GOLGA4: variants seen among roughly 807,000 people sequenced by gnomAD.
GOLGA4 encodes the protein golgin subfamily A member 4.
In GOLGA4, 169 loss-of-function variants were observed where a neutral mutation model predicts 265.9. That is an observed-to-expected ratio of 0.64 (90% CI 0.56 to 0.72). The LOEUF is 0.72. Ranked by LOEUF, GOLGA4 falls within the 30% of genes least tolerant of loss-of-function variation. The pLI, the probability that GOLGA4 is intolerant of heterozygous loss-of-function variation, is 0.00. For synonymous variants in GOLGA4, 923 were observed against 855.8 expected, an observed-to-expected ratio of 1.08 and a Z score of -1.37; for missense variants, 2,482 against 2,483.4, an observed-to-expected ratio of 1.00 and a Z score of 0.01.
intron 9 of GOLGA4, 50 bp from the exon 10 acceptor site, chr3:37,302,132 TTGA>T: frequency 2.0e-6 from 3 of 1,490,802 alleles, no homozygotes; most frequent in Admixed American, 1.7e-5. Context: ...ATCTGTGCTG[TTGA>T]TGATGCAGTT....
chr3:37,362,221 A>C (rs1559479362), intron 23 of GOLGA4, among the ~76,000 whole-genome samples: 2 of 141,692 alleles, frequency 1.4e-5, no homozygotes, highest in African/African-American at 5.0e-5. Flanking sequence ...TTATTTATTT[A>C]TTTATTTATT....
chr3:37,317,983 T>A (rs1038927323), intron 11 of GOLGA4, among the ~76,000 whole-genome samples: 13 of 152,122 alleles, frequency 8.5e-5, no homozygotes, highest in Admixed American at 1.3e-4. Context: ...TTTTTTTTTT[T>A]AATTTAAAAA....
chr3:37,339,471 G>C (rs2097025631), intron 19 of GOLGA4, among the ~76,000 whole-genome samples: 1 of 152,118 alleles, frequency 6.6e-6, no homozygotes, highest in African/African-American at 2.4e-5. Flanking sequence ...TTGAGGAACT[G>C]CCAAACTTTT....
intron 20 of GOLGA4, among the ~76,000 whole-genome samples, chr3:37,342,094 G>A (rs1356583519): frequency 1.3e-5 from 2 of 152,142 alleles, no homozygotes; most frequent in African/African-American, 4.8e-5. Context: ...TGTAATCCCA[G>A]CACTTTGGGA....
chr3:37,325,449 T>G lies in GOLGA4; in HGVS notation c.3563T>G (p.Leu1188Trp). Residue 1188 changes from leucine (L) to tryptophan (W), a missense_variant, in exon 14 of 24, where the codon TTG (leucine) becomes TGG (tryptophan). Around this residue, in one of 3 missense-constraint regions of GOLGA4, gnomAD observed 1,536 missense variants for 1,483.7 expected, o/e 1.04. Transcript: ENST00000361924. ...LKTTDEEFQSLKSSHEKSNKS... is the reference protein window; with the variant it reads ...LKTTDEEFQSWKSSHEKSNKS... ...ACCACAGATGAAGAATTCCAGAGTT[T>G]GAAATCTTCACATGAAAAAAGTAAC... The G allele has an allele frequency of 6.2e-7, 1 of 1,611,126 alleles. No individual in the cohort carries two copies. The highest frequency in any genetic ancestry group is 1.1e-5 in the South Asian group (1 of 90,336).
chr3:37,301,121 G>A (rs1191556433), intron 9 of GOLGA4, among the ~76,000 whole-genome samples: 1 of 152,102 alleles, frequency 6.6e-6, no homozygotes, highest in Admixed American at 6.5e-5. Context: ...CTGTGGAGAG[G>A]GTGCTAATCT....
At position 37,330,870 on chromosome 3, in the gene GOLGA4, A is replaced by G. The variant is rs898649258; in HGVS notation, c.6192+1777A>G. ...TGGTGAAACTCCATCTCTACTAAAA[A>G]TAAAAAAAATTAGCCAGGTGTGGTG... On this transcript the variant is annotated intron_variant, in intron 16 of 23. Transcript: ENST00000361924. Among the ~76,000 whole-genome samples the G allele has an allele frequency of 4.6e-5, 7 of 152,240 alleles. No homozygotes were observed. In the East Asian group the frequency reaches 1.4e-3, roughly 29 times the overall value.
chr3:37,295,165 T>C (rs2096874884), intron 6 of GOLGA4, 88 bp downstream of exon 6: 1 of 689,970 alleles, frequency 1.4e-6, no homozygotes, highest in Non-Finnish European at 2.4e-6. Flanking sequence ...GTTGCAAAAG[T>C]TTTTTCTTTT....
At chr3:37,345,698 C>T (rs752638884) in intron 20 of GOLGA4, among the ~76,000 whole-genome samples, 2 of 152,060 alleles carry the variant, frequency 1.3e-5, no homozygotes, top group Non-Finnish European at 2.9e-5. Flanking sequence ...ATAGCTATCC[C>T]AGCACTTTGG....
At chr3:37,262,632 A>G (rs2096772911) in intron 2 of GOLGA4, among the ~76,000 whole-genome samples, 1 of 151,966 alleles carries the variant, frequency 6.6e-6, no homozygotes, top group Admixed American at 6.6e-5. Flanking sequence ...GCTAGGCCTG[A>G]TGGCTCATGC....
rs370872029 is a variant in GOLGA4 at position 37,328,456 on chromosome 3, T to A, written c.5980T>A (p.Leu1994Ile). The A allele has an allele frequency of 1.2e-6, 2 of 1,612,946 alleles. No individual in the cohort carries two copies. The highest frequency in any genetic ancestry group is 1.7e-6 in the Non-Finnish European group (2 of 1,179,214). Residue 1994 changes from leucine to isoleucine, a missense_variant, in exon 15 of 24, where the codon TTA becomes ATA. Transcript: ENST00000361924. ...TCTTGAACTGAAGCACAATTCCACA[T>A]TAAAACAGCTGATGAGGGAGTTTAA... ...EDLELKHNST[L>I]KQLMREFNTQ...
At chr3:37,290,085 TCTAA>T (rs1174313585) in intron 5 of GOLGA4, among the ~76,000 whole-genome samples, 6 of 152,230 alleles carry the variant, frequency 3.9e-5, no homozygotes, top group African/African-American at 1.4e-4. Flanking sequence ...TTTTAGGTAT[TCTAA>T]CTGTGTAATT....
intron 4 of GOLGA4, chr3:37,287,612 G>GGACATTGTTGCACA (rs2096853232): frequency 1.3e-5 from 2 of 152,224 alleles, no homozygotes; most frequent in Non-Finnish European, 2.9e-5. Context: ...GCTTGTAAGA[G>GGACATTGTTGCACA]GTAAGGAGGA....
intron 19 of GOLGA4, 47 bp from the exon 20 acceptor site, chr3:37,340,077 C>A: frequency 1.3e-6 from 1 of 783,350 alleles, no homozygotes; most frequent in Non-Finnish European, 2.2e-6. Context: ...TTCTTACATA[C>A]AGTTTCCCTG....
rs1361957993 is a variant in GOLGA4, at chr3:37,337,698, T to C, written c.6360T>C (p.Ser2120=). The part of the protein sequence containing the change: ...TQLAQKTTLI[S]DSKLKEQEFR... The stretch of plus-strand genomic sequence containing the variant: ...TAGCACAGAAGACGACTTTAATCAG[T>C]GATTCGAAATTGAAAGAGCAAGAGT... Residue 2120 remains serine, a synonymous_variant, in exon 19 of 24, where the codon AGT becomes AGC. Transcript: ENST00000361924. The C allele has an allele frequency of 6.2e-7, 1 of 1,612,164 alleles. No individual in the cohort carries two copies.
intron 9 of GOLGA4, among the ~76,000 whole-genome samples, 182 bp from the exon 10 acceptor site, chr3:37,302,003 G>A (rs2096894155): frequency 6.6e-6 from 1 of 152,136 alleles, no homozygotes; most frequent in Non-Finnish European, 1.5e-5. Flanking sequence ...TGGCCAGGCT[G>A]GTCTCGAACT....
chr3:37,366,618 T>A lies in GOLGA4; in HGVS notation c.*572T>A, dbSNP rs1696766044. The A allele has an allele frequency of 6.5e-6, 1 of 152,824 alleles. No homozygotes were observed. Among genetic ancestry groups the A allele is most frequent in the African/African-American group, 2.4e-5 (1 of 41,462 alleles). The allele number at this position is 152,824 out of a possible 1,614,324, so 9.5% of individuals were successfully genotyped here. A position where few individuals can be genotyped will look rare whatever the true frequency, so the allele number is the denominator to read the frequency against. On this transcript the variant is annotated 3_prime_UTR_variant, in exon 24 of 24. Transcript: ENST00000361924. ...TCATTGTTTACTTAGCTTTTGTACT[T>A]ATATTTTTCAGAGGAAAAAACACTA... is the stretch of plus-strand genomic sequence containing the variant.
In GOLGA4 at chr3:37,324,387, A is replaced by C. The variant is rs145755707; in HGVS notation, c.2501A>C (p.Glu834Ala). 243 of 1,614,182 alleles carry C rather than the reference A, an allele frequency of 1.5e-4. 3 individuals carry two copies. In the East Asian group the frequency reaches 5.1e-3, roughly 34 times the overall value. Residue 834 changes from glutamate (E) to alanine (A), a missense_variant, in exon 14 of 24, where the codon GAA becomes GCA. By Grantham distance (107) the Glu-to-Ala change is moderately radical. Coordinates refer to ENST00000361924, the MANE Select transcript of GOLGA4 (RefSeq NM_002078.5). Reference sequence around the variant, plus strand: ...CAGAAGTTGTTGGATTTGGAAACAGAAAGAATTCTTCTTACCAAACAGGTT... The same window carrying C: ...CAGAAGTTGTTGGATTTGGAAACAGCAAGAATTCTTCTTACCAAACAGGTT... Reference protein sequence around the residue: ...LQQKLLDLETERILLTKQVAE... With the variant: ...LQQKLLDLETARILLTKQVAE...
intron 2 of GOLGA4, 141 bp downstream of exon 2, chr3:37,251,625 CTTTT>C (rs112817114): frequency 7.2e-4 from 344 of 475,814 alleles, no homozygotes; most frequent in Non-Finnish European, 8.2e-4. Context: ...CACAATTGGT[CTTTT>C]TTTTTTTTTT....
Sources: allele counts gnomAD v4.1 joint callset (sites outside exome capture counted in the v4.1 genomes callset), GRCh38; gene constraint gnomAD v4.1.1; regional missense constraint gnomAD v4.1.1; transcripts MANE v1.5; gene names NCBI Gene and HGNC (gene_info 2026-07-23, HGNC 2026-07-21).